PDCD10: variants seen among roughly 807,000 people sequenced by gnomAD.
PDCD10 encodes programmed cell death 10.
PDCD10 carries 4 observed loss-of-function variants against 29.2 expected under a neutral mutation model. The ratio of observed to expected loss-of-function variants is 0.14; its 90% CI spans 0.07 to 0.31. The LOEUF (loss-of-function observed/expected upper bound fraction) is 0.31, where lower values mean the gene tolerates loss of function less well. Ranked by LOEUF, PDCD10 falls within the 10% of genes least tolerant of loss-of-function variation. PDCD10 has a pLI of 1.00. For synonymous variants in PDCD10, 70 were observed against 82.2 expected (o/e 0.85, Z 0.80); for missense variants, 183 against 257.9 (o/e 0.71, Z 1.99).
chr3:167,733,848 G>A (rs544993140), intron 2 of PDCD10, among the ~76,000 whole-genome samples: 1 of 152,154 alleles, frequency 6.6e-6, no homozygotes, highest in African/African-American at 2.4e-5. Flanking sequence ...TGAGAGTAGA[G>A]TCTATCATTT....
At position 167,704,888 on chromosome 3, in the gene PDCD10, C is replaced by A; in HGVS notation, c.104G>T (p.Arg35Leu). 6.2e-7 allele frequency: 1 copy of A among 1,604,300 alleles called. No homozygotes were observed. Among genetic ancestry groups the A allele is most frequent in the South Asian group, 1.1e-5 (1 of 90,778 alleles). Residue 35 changes from arginine to leucine, a missense_variant, in exon 4 of 9, where the codon CGA becomes CTA. Transcript: ENST00000392750. ...TGTCTGGGCTGCAGACAGATTTACT[C>A]GTTCTAGCTGCAATAAAAATTTTAA... Reference protein sequence around the residue: ...VMYPVFNELERVNLSAAQTLR... With the variant: ...VMYPVFNELELVNLSAAQTLR...
intron 8 of PDCD10, among the ~76,000 whole-genome samples, chr3:167,686,483 A>G (rs1719638766): frequency 6.6e-6 from 1 of 152,210 alleles, no homozygotes; most frequent in South Asian, 2.1e-4. Context: ...GAATCTCTGC[A>G]GGTGGGGCCT....
intron 6 of PDCD10, 89 bp downstream of exon 6, chr3:167,695,507 G>T: frequency 8.7e-7 from 1 of 1,145,468 alleles, no homozygotes; most frequent in Non-Finnish European, 1.3e-6. Context: ...AGCATTTCAA[G>T]TTAGTCATAC....
intron 3 of PDCD10, among the ~76,000 whole-genome samples, chr3:167,711,545 TAA>T (rs1722519453): frequency 6.6e-6 from 1 of 152,254 alleles, no homozygotes; most frequent in East Asian, 1.9e-4. Flanking sequence ...ATGGTGAACC[TAA>T]GAGTTACTGG....
At chr3:167,698,149 G>A (rs1166523800) in intron 4 of PDCD10, among the ~76,000 whole-genome samples, 2 of 152,090 alleles carry the variant, frequency 1.3e-5, no homozygotes, top group East Asian at 3.9e-4. Context: ...ATAACATCTT[G>A]TTTCTCATTA....
chr3:167,717,798 A>G (rs549295351), intron 3 of PDCD10, among the ~76,000 whole-genome samples: 1 of 152,218 alleles, frequency 6.6e-6, no homozygotes, highest in South Asian at 2.1e-4. Flanking sequence ...TACATGACAG[A>G]AATAATTTTT....
intron 2 of PDCD10, among the ~76,000 whole-genome samples, chr3:167,722,807 A>G (rs964588057): frequency 6.6e-6 from 1 of 152,226 alleles, no homozygotes; most frequent in Non-Finnish European, 1.5e-5. Context: ...TACTGCTGAC[A>G]TCTCTACCTA....
chr3:167,719,453 TATTA>T (rs1278557805), intron 3 of PDCD10, among the ~76,000 whole-genome samples: 2 of 152,140 alleles, frequency 1.3e-5, no homozygotes, highest in East Asian at 1.9e-4. Context: ...AGCATGTTAA[TATTA>T]ATTTAAAAGA....
At chr3:167,698,165 C>T (rs1372922521) in intron 4 of PDCD10, among the ~76,000 whole-genome samples, 1 of 152,000 alleles carries the variant, frequency 6.6e-6, no homozygotes, top group Non-Finnish European at 1.5e-5. Context: ...CATTAGATCT[C>T]AAGTATCAAA....
In PDCD10 at chr3:167,707,656, C is replaced by T. The variant is rs560028214; in HGVS notation, c.97-2761G>A. Among the ~76,000 whole-genome samples, 7 of 152,074 alleles carry T rather than the reference C, an allele frequency of 4.6e-5. No individual in the cohort carries two copies. In the South Asian group the frequency reaches 1.5e-3, roughly 32 times the overall value. On this transcript the variant is annotated intron_variant, in intron 3 of 8. Coordinates refer to ENST00000392750, the MANE Select transcript of PDCD10 (RefSeq NM_007217.4). ...TCACACCACTGCACTCCAGCCTGGG[C>T]GACAGAGCGAGACTCTCCATCTCAA...
intron 3 of PDCD10, 95 bp downstream of exon 3, chr3:167,719,967 T>C: frequency 1.1e-6 from 1 of 894,158 alleles, no homozygotes; most frequent in Non-Finnish European, 1.9e-6. Context: ...TCATTCATGC[T>C]AGTATTTGTT....
intron 6 of PDCD10, among the ~76,000 whole-genome samples, chr3:167,690,264 T>C (rs1422722515): frequency 6.6e-6 from 1 of 152,174 alleles, no homozygotes; most frequent in African/African-American, 2.4e-5. Context: ...AAAACTGCAA[T>C]AGAAAAGTAG....
chr3:167,701,839 A>G (rs1045686795), intron 4 of PDCD10, among the ~76,000 whole-genome samples: 3 of 152,204 alleles, frequency 2.0e-5, no homozygotes, highest in Non-Finnish European at 4.4e-5. Flanking sequence ...CATGTTGTGC[A>G]TGACTCCACA....
intron 2 of PDCD10, among the ~76,000 whole-genome samples, chr3:167,727,736 C>T (rs1043826412): frequency 2.0e-5 from 3 of 152,158 alleles, no homozygotes; most frequent in African/African-American, 4.8e-5. Flanking sequence ...GAGCTACTTG[C>T]TTTGTATCAC....
rs112590654 is a variant in PDCD10 at position 167,704,768 on chromosome 3, G to A, written c.150+74C>T. 9.7e-4 allele frequency: 991 copies of A among 1,023,880 alleles called. 8 individuals are homozygous for A. The African/African-American group carries it at 0.014, about 14-fold the overall frequency. The allele number at this position is 1,023,880 out of a possible 1,614,324, so 63.4% of individuals were successfully genotyped here. ...GGCTTTCCCTTAAAGAAAATAAACT[G>A]GCAACCATCACATGTACTTACATTT... On this transcript the variant is annotated intron_variant, in intron 4 of 8. Coordinates refer to ENST00000392750, the MANE Select transcript of PDCD10 (RefSeq NM_007217.4).
intron 2 of PDCD10, among the ~76,000 whole-genome samples, chr3:167,724,885 C>T (rs538735307): frequency 2.3e-4 from 35 of 152,130 alleles, no homozygotes; most frequent in Non-Finnish European, 4.9e-4. Flanking sequence ...TTAAGGAGGT[C>T]CTCCCCAAGA....
chr3:167,695,834 T>A, intron 5 of PDCD10, 112 bp from the exon 6 acceptor site: 1 of 1,041,160 alleles, frequency 9.6e-7, no homozygotes, highest in Non-Finnish European at 1.5e-6. Context: ...AAAGGCCAGA[T>A]AATTAGGAAA....
At chr3:167,700,754 A>C (rs1241589397) in intron 4 of PDCD10, among the ~76,000 whole-genome samples, 1 of 152,218 alleles carries the variant, frequency 6.6e-6, no homozygotes, top group Non-Finnish European at 1.5e-5. Flanking sequence ...TAATTTTAGA[A>C]AGAGGTTTTG....
intron 3 of PDCD10, among the ~76,000 whole-genome samples, chr3:167,716,729 CAT>C (rs1201427532): frequency 6.6e-6 from 1 of 151,886 alleles, no homozygotes; most frequent in African/African-American, 2.4e-5. Context: ...TGAATGGAAA[CAT>C]ATTAATTACT....
Sources: allele counts gnomAD v4.1 joint callset (sites outside exome capture counted in the v4.1 genomes callset), GRCh38; gene constraint gnomAD v4.1.1; transcripts MANE v1.5; gene names NCBI Gene and HGNC (gene_info 2026-07-23, HGNC 2026-07-21).